The following KDM4C variants were observed in gnomAD, a reference collection of about 807,000 sequenced individuals.
KDM4C encodes the protein lysine demethylase 4C.
Under a neutral mutation model 129.3 loss-of-function variants are expected in KDM4C, and 81 were observed. That is an observed-to-expected ratio of 0.63 (90% CI 0.52 to 0.75). The LOEUF (loss-of-function observed/expected upper bound fraction) is 0.75, where lower values mean the gene tolerates loss of function less well. Among genes scored for constraint, KDM4C ranks in the 30% least tolerant of loss-of-function variants. The pLI, the probability that KDM4C is intolerant of heterozygous loss-of-function variation, is 0.00. For missense variants in KDM4C, 1,457 were observed against 1,304.0 expected (o/e 1.12, Z -1.81); for synonymous variants, 573 against 456.1 (o/e 1.26, Z -3.26).
chr9:6,732,424 T>TA lies in KDM4C; in HGVS notation c.49+11427_49+11428insA, dbSNP rs546877280. Among the ~76,000 whole-genome samples, 6 of 127,978 alleles carry TA rather than the reference T, an allele frequency of 4.7e-5. No individual in the cohort carries two copies. In the East Asian group the frequency reaches 1.3e-3, roughly 28 times the overall value. The allele number at this position is 127,978 out of a possible 152,430, so 84.0% of individuals were successfully genotyped here. Reference sequence around the variant, plus strand: ...AAAGAATGAGGCCGGAAGTTGTGGCTCACACACCTGTATATAATCCCAGCA... The same window carrying TA: ...AAAGAATGAGGCCGGAAGTTGTGGCTACACACACCTGTATATAATCCCAGCA... On this transcript the variant is annotated intron_variant, in intron 1 of 17. Transcript: ENST00000536108.
At chr9:6,779,502 G>A (rs1310392099) in intron 1 of KDM4C, among the ~76,000 whole-genome samples, 1 of 152,148 alleles carries the variant, frequency 6.6e-6, no homozygotes, top group Non-Finnish European at 1.5e-5. Flanking sequence ...GAAACAAACA[G>A]GTTCCACAGC....
intron 17 of KDM4C, among the ~76,000 whole-genome samples, chr9:7,060,206 CA>C (rs1177209014): frequency 6.7e-6 from 1 of 149,886 alleles, no homozygotes; most frequent in Non-Finnish European, 1.5e-5. Flanking sequence ...TATTTTATGT[CA>C]TTGTCATGTT....
chr9:6,858,827 G>C (rs931596083), intron 5 of KDM4C, among the ~76,000 whole-genome samples: 5 of 150,576 alleles, frequency 3.3e-5, no homozygotes, highest in Non-Finnish European at 7.4e-5. Flanking sequence ...ATTTTACCCA[G>C]CTTTATCATT....
At chr9:6,811,707 C>T (rs991314319) in intron 3 of KDM4C, among the ~76,000 whole-genome samples, 1 of 152,132 alleles carries the variant, frequency 6.6e-6, no homozygotes, top group Non-Finnish European at 1.5e-5. Context: ...GTTTTTATCC[C>T]TATTTTTTAG....
intron 21 of KDM4C, chr9:7,170,587 C>T (rs868069568): frequency 2.1e-6 from 2 of 949,136 alleles, no homozygotes; most frequent in South Asian, 4.9e-5. Flanking sequence ...ATAAAATATT[C>T]AGTGGACCCT....
intron 8 of KDM4C, among the ~76,000 whole-genome samples, chr9:6,933,222 T>C (rs17595877): frequency 0.26 from 38,935 of 152,170 alleles, 5,430 homozygotes; most frequent in South Asian, 0.4. Flanking sequence ...GGATGTTAAC[T>C]TTCAAAAGCC....
At chr9:7,128,361 T>G in intron 19 of KDM4C, 125 bp downstream of exon 19, 1 of 624,280 alleles carries the variant, frequency 1.6e-6, no homozygotes, top group South Asian at 3.8e-5. Context: ...TCATAGACTT[T>G]ATCATTCTAA....
chr9:6,743,356 G>A (rs894936963), intron 1 of KDM4C, among the ~76,000 whole-genome samples: 16 of 152,112 alleles, frequency 1.1e-4, no homozygotes, highest in African/African-American at 3.9e-4. Context: ...CAGGGCACAC[G>A]GGAGGTATGA....
chr9:6,812,213 G>T (rs1312386095), intron 3 of KDM4C, among the ~76,000 whole-genome samples: 2 of 151,348 alleles, frequency 1.3e-5, no homozygotes, highest in African/African-American at 4.9e-5. Context: ...CTCCAGCCTG[G>T]GTGACAGAAC....
chr9:6,779,760 C>T (rs779497953), intron 1 of KDM4C, among the ~76,000 whole-genome samples: 12 of 152,182 alleles, frequency 7.9e-5, no homozygotes, highest in Non-Finnish European at 1.6e-4. Context: ...ATGACTGATG[C>T]TATTATCAAA....
At chr9:6,753,822 A>G (rs936962106), upstream of KDM4C, among the ~76,000 whole-genome samples, 4 of 151,896 alleles carry the variant, frequency 2.6e-5, no homozygotes, top group African/African-American at 9.7e-5. Flanking sequence ...CATATTTGAT[A>G]AAGGTAAAGG....
chr9:6,973,537 T>A (rs1264007537), intron 8 of KDM4C, among the ~76,000 whole-genome samples: 2 of 152,332 alleles, frequency 1.3e-5, no homozygotes, highest in East Asian at 3.9e-4. Flanking sequence ...AAATCAAGGT[T>A]TCATTTTTTC....
At chr9:6,925,256 A>G (rs927203650) in intron 8 of KDM4C, 13 of 985,298 alleles carry the variant, frequency 1.3e-5, no homozygotes, top group Non-Finnish European at 1.4e-5. Context: ...AATTATGAAC[A>G]GCATTGTAGG....
chr9:6,770,029 A>T (rs1266695287), intron 1 of KDM4C, among the ~76,000 whole-genome samples: 1 of 152,166 alleles, frequency 6.6e-6, no homozygotes, highest in East Asian at 1.9e-4. Context: ...TAATACAAAA[A>T]TTAGCCGGGC....
chr9:6,992,463 G>A (rs1818930335), intron 12 of KDM4C, among the ~76,000 whole-genome samples: 1 of 152,182 alleles, frequency 6.6e-6, no homozygotes, highest in Non-Finnish European at 1.5e-5. Flanking sequence ...AAGGACCCCT[G>A]GTGACCTCTG....
intron 1 of KDM4C, among the ~76,000 whole-genome samples, chr9:6,751,288 A>T (rs1818055716): frequency 6.6e-6 from 1 of 152,158 alleles, no homozygotes; most frequent in South Asian, 2.1e-4. Flanking sequence ...TCTACAAAAA[A>T]TACAAAAATT....
At chr9:6,937,898 G>A (rs889343173) in intron 8 of KDM4C, among the ~76,000 whole-genome samples, 4 of 151,968 alleles carry the variant, frequency 2.6e-5, no homozygotes, top group East Asian at 1.9e-4. Flanking sequence ...TTTTGGTAGC[G>A]ATGGGGATTC....
At chr9:6,947,381 A>G (rs922746269) in intron 8 of KDM4C, among the ~76,000 whole-genome samples, 3 of 151,972 alleles carry the variant, frequency 2.0e-5, no homozygotes, top group African/African-American at 7.2e-5. Flanking sequence ...TGTCCTTTAT[A>G]TTTCATTTTC....
chr9:6,817,712 C>T lies in KDM4C; in HGVS notation c.435+2967C>T, dbSNP rs1179898463. On this transcript the variant is annotated intron_variant, in intron 4 of 21. Transcript: ENST00000381309. ...AGGAAAATGGAAAAATACAGAAAAACGTGAAGAAGAGAATAAAAAATTGCT... is the reference window on the plus strand; with the variant it reads ...AGGAAAATGGAAAAATACAGAAAAATGTGAAGAAGAGAATAAAAAATTGCT... 6.7e-5 allele frequency among the ~76,000 whole-genome samples: 10 copies of T among 149,088 alleles called. No homozygotes were observed. In the South Asian group the frequency reaches 8.4e-4, roughly 13 times the overall value.
Sources: allele counts gnomAD v4.1 joint callset (sites outside exome capture counted in the v4.1 genomes callset), GRCh38; gene constraint gnomAD v4.1.1; transcripts MANE v1.5; gene names NCBI Gene and HGNC (gene_info 2026-07-23, HGNC 2026-07-21).